MALRD1: variants seen among roughly 807,000 people sequenced by gnomAD.
MALRD1 encodes MAM and LDL-receptor class A domain-containing protein 1.
Under a neutral mutation model 242.1 loss-of-function variants are expected in MALRD1, and 247 were observed. That is an observed-to-expected ratio of 1.02 (90% CI 0.92 to 1.13). The LOEUF (loss-of-function observed/expected upper bound fraction) is 1.13, where lower values mean the gene tolerates loss of function less well. Among genes scored for constraint, MALRD1 ranks in the 50% most tolerant of loss-of-function variants. The pLI is 0.00. For missense variants in MALRD1, 2,989 were observed against 2,533.1 expected (o/e 1.18, Z -3.86); for synonymous variants, 995 against 866.6 (o/e 1.15, Z -2.60).
intron 31 of MALRD1, among the ~76,000 whole-genome samples, chr10:19,502,717 T>C (rs1188995788): frequency 1.3e-5 from 2 of 152,188 alleles, no homozygotes; most frequent in African/African-American, 4.8e-5. Context: ...CGTTAGATAT[T>C]ATCTGCCATA....
At chr10:19,699,419 A>G (rs918041438) in intron 38 of MALRD1, among the ~76,000 whole-genome samples, 2 of 152,114 alleles carry the variant, frequency 1.3e-5, no homozygotes, top group Non-Finnish European at 2.9e-5. Context: ...TTGAGGAAAC[A>G]TGGAAAATAG....
At chr10:19,575,058 A>C (rs146806870) in intron 33 of MALRD1, among the ~76,000 whole-genome samples, 1,582 of 152,316 alleles carry the variant, frequency 0.01, 24 homozygotes, top group African/African-American at 0.033. Flanking sequence ...TTACAATCTA[A>C]GAAAATACTG....
chr10:19,408,846 T>C (rs892169242), intron 28 of MALRD1, among the ~76,000 whole-genome samples: 1 of 152,202 alleles, frequency 6.6e-6, no homozygotes, highest in African/African-American at 2.4e-5. Flanking sequence ...TAAAATGGTA[T>C]AGAAACTCTG....
At chr10:19,580,913 C>T (rs988192144) in intron 33 of MALRD1, among the ~76,000 whole-genome samples, 2 of 152,058 alleles carry the variant, frequency 1.3e-5, no homozygotes, top group Admixed American at 1.3e-4. Flanking sequence ...TGCCAGGACT[C>T]TCTGAGTCTT....
intron 31 of MALRD1, 105 bp downstream of exon 31, chr10:19,498,751 C>A: frequency 1.5e-6 from 2 of 1,306,596 alleles, no homozygotes; most frequent in South Asian, 1.6e-5. Flanking sequence ...TATGTGGGGA[C>A]AGAGCTCAGT....
intron 33 of MALRD1, among the ~76,000 whole-genome samples, chr10:19,568,162 G>A (rs1005322801): frequency 1.3e-5 from 2 of 152,084 alleles, no homozygotes; most frequent in East Asian, 1.9e-4. Flanking sequence ...GAAAAAAAAA[G>A]TTCTATTCTA....
chr10:19,325,780 T>A (rs1179419019), intron 22 of MALRD1, among the ~76,000 whole-genome samples: 2 of 152,108 alleles, frequency 1.3e-5, no homozygotes, highest in Non-Finnish European at 2.9e-5. Flanking sequence ...TGCCAAGAAA[T>A]CTCTAGCATA....
At chr10:19,384,411 A>G (rs1299386727) in intron 26 of MALRD1, among the ~76,000 whole-genome samples, 13 of 70,458 alleles carry the variant, frequency 1.8e-4, no homozygotes, top group African/African-American at 7.4e-4. Flanking sequence ...TATAGTATAT[A>G]TAATATAATA....
At chr10:19,623,665 G>A (rs1400509585) in intron 36 of MALRD1, among the ~76,000 whole-genome samples, 1 of 152,130 alleles carries the variant, frequency 6.6e-6, no homozygotes, top group Non-Finnish European at 1.5e-5. Context: ...CAAGACCTCT[G>A]ATGTCTAACA....
intron 32 of MALRD1, among the ~76,000 whole-genome samples, chr10:19,533,241 T>G (rs1167333869): frequency 6.6e-6 from 1 of 152,234 alleles, no homozygotes; most frequent in East Asian, 1.9e-4. Context: ...TAAATAGCCT[T>G]TGAAATAGAA....
chr10:19,490,393 AT>A (rs1321818320), intron 29 of MALRD1, among the ~76,000 whole-genome samples: 1 of 151,710 alleles, frequency 6.6e-6, no homozygotes, highest in Non-Finnish European at 1.5e-5. Context: ...GGTCGATTAA[AT>A]CTGGAACAAT....
intron 33 of MALRD1, among the ~76,000 whole-genome samples, chr10:19,587,755 T>A (rs1186943283): frequency 6.6e-6 from 1 of 152,222 alleles, no homozygotes; most frequent in African/African-American, 2.4e-5. Flanking sequence ...CAGAGAGATG[T>A]CTTGGTTACT....
At chr10:19,505,041 A>G (rs1276580425) in intron 31 of MALRD1, among the ~76,000 whole-genome samples, 3 of 152,140 alleles carry the variant, frequency 2.0e-5, no homozygotes, top group African/African-American at 7.2e-5. Context: ...CATTCCAAGA[A>G]AAAGAAGGAG....
chr10:19,397,732 G>A (rs1846646866), intron 28 of MALRD1, among the ~76,000 whole-genome samples: 1 of 152,118 alleles, frequency 6.6e-6, no homozygotes, highest in Non-Finnish European at 1.5e-5. Flanking sequence ...GTTACTGGGT[G>A]TATAACACTT....
intron 31 of MALRD1, among the ~76,000 whole-genome samples, chr10:19,517,571 A>G (rs1833690792): frequency 6.6e-6 from 1 of 152,214 alleles, no homozygotes; most frequent in African/African-American, 2.4e-5. Context: ...TTCTAGGTCC[A>G]TAGTTCTTAT....
chr10:19,216,115 C>CTTTTT lies in MALRD1; in HGVS notation c.2991+6438_2991+6439insTTTTT, dbSNP rs1203339393. Among the ~76,000 whole-genome samples the CTTTTT allele has an allele frequency of 6.3e-4, 72 of 114,316 alleles. 2 individuals carry two copies. The South Asian group carries it at 7.4e-3, about 12-fold the overall frequency. 75.0% of individuals were successfully genotyped at this position (114,316 alleles called of 152,430 possible). ...TTTCTACTTCTTTCTTTCTTTCTTT[C>CTTTTT]TTTCTTTTTTTTTTTTTTTTGAGAC... On this transcript the variant is annotated intron_variant, in intron 18 of 39. Coordinates refer to ENST00000454679, the MANE Select transcript of MALRD1 (RefSeq NM_001142308.3).
At chr10:19,542,190 C>G (rs777281681) in intron 32 of MALRD1, among the ~76,000 whole-genome samples, 48 of 152,190 alleles carry the variant, frequency 3.2e-4, no homozygotes, top group Admixed American at 5.9e-4. Flanking sequence ...GCAAAGTCAC[C>G]TTGAGAAAGA....
intron 2 of MALRD1, among the ~76,000 whole-genome samples, chr10:19,086,600 A>T (rs1331341386): frequency 6.6e-6 from 1 of 152,084 alleles, no homozygotes; most frequent in Non-Finnish European, 1.5e-5. Context: ...TCCTAGGAAA[A>T]GCTGGGACTA....
At chr10:19,397,407 A>G (rs549111624) in intron 28 of MALRD1, among the ~76,000 whole-genome samples, 8 of 152,268 alleles carry the variant, frequency 5.3e-5, no homozygotes, top group Admixed American at 6.5e-5. Context: ...GTTATTGCAA[A>G]TAACAGGATT....
Sources: gnomAD v4.1 joint callset for allele counts (sites outside exome capture counted in the v4.1 genomes callset) on GRCh38, gnomAD v4.1.1 for gene constraint, MANE v1.5 for transcripts, NCBI Gene and HGNC (gene_info 2026-07-23, HGNC 2026-07-21) for gene names.